Variants in LIN28B observed in about 807,000 individuals in gnomAD.
The protein encoded by LIN28B is protein lin-28 homolog B.
A neutral mutation model predicts 21.9 loss-of-function variants in LIN28B; 5 were observed. The observed-to-expected ratio is 0.23, with a 90% confidence interval of 0.12 to 0.48. LIN28B has a LOEUF of 0.48. Ranked by LOEUF, LIN28B falls within the 20% of genes least tolerant of loss-of-function variation. LIN28B has a pLI of 0.98. For missense variants in LIN28B, 245 were observed against 310.5 expected, an observed-to-expected ratio of 0.79 and a Z score of 1.58; for synonymous variants, 109 against 111.3, an observed-to-expected ratio of 0.98 and a Z score of 0.13.
At chr6:105,020,169 A>C (rs1771108334) in intron 2 of LIN28B, among the ~76,000 whole-genome samples, 1 of 131,298 alleles carries the variant, frequency 7.6e-6, no homozygotes, top group Non-Finnish European at 1.5e-5. Flanking sequence ...GTTGGAGTGC[A>C]GTGGCGTAAT....
intron 2 of LIN28B, among the ~76,000 whole-genome samples, chr6:105,002,991 CTTG>C (rs1051728120): frequency 3.9e-5 from 6 of 152,196 alleles, no homozygotes; most frequent in Non-Finnish European, 7.3e-5. Context: ...TTGGCACTAA[CTTG>C]TTGTAAGACT....
chr6:104,953,205 C>T (rs910037010), upstream of LIN28B, among the ~76,000 whole-genome samples: 3 of 152,080 alleles, frequency 2.0e-5, no homozygotes, highest in Non-Finnish European at 4.4e-5. Flanking sequence ...TTCTCGCCGA[C>T]GTTTTTTCTT....
intron 2 of LIN28B, among the ~76,000 whole-genome samples, chr6:105,025,564 A>G (rs1382164964): frequency 6.6e-6 from 1 of 152,156 alleles, no homozygotes; most frequent in Non-Finnish European, 1.5e-5. Flanking sequence ...ACGGGACTGG[A>G]GAAAACGACT....
chr6:104,967,969 G>A (rs996886650), intron 2 of LIN28B, among the ~76,000 whole-genome samples: 3 of 152,132 alleles, frequency 2.0e-5, no homozygotes, highest in African/African-American at 7.2e-5. Flanking sequence ...TAAGTGCTGG[G>A]ATTACAGATG....
chr6:105,050,812 A>G (rs974362172), intron 3 of LIN28B, among the ~76,000 whole-genome samples: 3 of 151,328 alleles, frequency 2.0e-5, no homozygotes, highest in African/African-American at 7.4e-5. Context: ...TCTTTTAGAC[A>G]GAGATCACCA....
At chr6:105,008,500 TGGGCGTGGTGGC>T (rs1428217714) in intron 2 of LIN28B, among the ~76,000 whole-genome samples, 1 of 151,910 alleles carries the variant, frequency 6.6e-6, no homozygotes, top group Non-Finnish European at 1.5e-5. Flanking sequence ...AAAAATTAGC[TGGGCGTGGTGGC>T]GGGCGCCTGT....
In LIN28B at chr6:104,950,637, G is replaced by T. The variant is rs185535352; in HGVS notation, c.67+128G>T. The T allele has an allele frequency of 8.0e-4, 372 of 464,344 alleles. 2 individuals carry two copies. Among genetic ancestry groups the T allele is most frequent in the Non-Finnish European group, 4.5e-5 (13 of 289,230 alleles). 28.8% of individuals were successfully genotyped at this position (464,344 alleles called of 1,614,324 possible). On this transcript the variant is annotated intron_variant, in intron 3 of 5. Transcript: ENST00000635857. ...CATCCTTTCTACTTTGGCAAGACAG[G>T]TACCAAGTCCTCCTATACTTCGTCC...
At chr6:105,063,844 A>AAT (rs1554191066) in intron 3 of LIN28B, among the ~76,000 whole-genome samples, 66 of 147,602 alleles carry the variant, frequency 4.5e-4, no homozygotes, top group African/African-American at 1.3e-3. Context: ...CAGTCTTAAA[A>AAT]TTTTTTTTTT....
chr6:104,984,376 C>T (rs1420844689), intron 2 of LIN28B, among the ~76,000 whole-genome samples: 3 of 152,042 alleles, frequency 2.0e-5, no homozygotes, highest in Non-Finnish European at 4.4e-5. Flanking sequence ...TCTTGGAATG[C>T]TTTTGTTGGC....
chr6:105,040,127 C>T (rs867770144), intron 3 of LIN28B, among the ~76,000 whole-genome samples: 12 of 152,124 alleles, frequency 7.9e-5, no homozygotes, highest in Middle Eastern at 6.8e-3. Context: ...CAGCATCTCT[C>T]GACATAATTA....
intron 3 of LIN28B, among the ~76,000 whole-genome samples, chr6:105,063,632 T>G (rs1772165455): frequency 1.1e-5 from 1 of 91,690 alleles, no homozygotes. Flanking sequence ...CAAGACTCCA[T>G]CTCGGGGGGG....
At chr6:105,046,284 G>C (rs887286040) in intron 3 of LIN28B, among the ~76,000 whole-genome samples, 8 of 151,968 alleles carry the variant, frequency 5.3e-5, no homozygotes, top group African/African-American at 1.9e-4. Flanking sequence ...TTTTGTCCTT[G>C]CGATAGTTTG....
intron 3 of LIN28B, among the ~76,000 whole-genome samples, chr6:105,077,309 A>C (rs1294631071): frequency 2.0e-5 from 3 of 152,236 alleles, no homozygotes; most frequent in Admixed American, 6.5e-5. Flanking sequence ...AAAATAAAAT[A>C]GAAAGCTCTT....
intron 3 of LIN28B, among the ~76,000 whole-genome samples, chr6:105,046,257 A>G (rs1347763005): frequency 6.6e-6 from 1 of 152,102 alleles, no homozygotes; most frequent in Admixed American, 6.6e-5. Flanking sequence ...ATGAGTGAGA[A>G]CATGCAGTGT....
At chr6:105,005,060 T>C (rs1562089531) in intron 2 of LIN28B, among the ~76,000 whole-genome samples, 1 of 152,220 alleles carries the variant, frequency 6.6e-6, no homozygotes, top group African/African-American at 2.4e-5. Flanking sequence ...GGCAAACTTT[T>C]AAAGACTCCA....
intron 2 of LIN28B, among the ~76,000 whole-genome samples, chr6:104,948,058 A>G (rs1207834128): frequency 6.6e-6 from 1 of 152,176 alleles, no homozygotes; most frequent in Non-Finnish European, 1.5e-5. Context: ...TAAATGATGA[A>G]TGGAGATTAT....
chr6:104,965,874 T>A (rs1318703275), intron 2 of LIN28B, among the ~76,000 whole-genome samples: 4 of 152,256 alleles, frequency 2.6e-5, no homozygotes, highest in Admixed American at 1.3e-4. Flanking sequence ...CCTGTTGTGA[T>A]AATTTAATAC....
intron 2 of LIN28B, among the ~76,000 whole-genome samples, chr6:105,014,405 C>T (rs982270770): frequency 3.3e-5 from 5 of 152,198 alleles, no homozygotes; most frequent in African/African-American, 9.6e-5. Context: ...CTGTAACCTC[C>T]GTTTCCCGGG....
intron 2 of LIN28B, among the ~76,000 whole-genome samples, chr6:104,996,193 T>G (rs982888168): frequency 1.3e-5 from 2 of 152,130 alleles, no homozygotes; most frequent in African/African-American, 4.8e-5. Flanking sequence ...CTGGATGCCA[T>G]CAGAAAGCAG....
Sources: allele counts gnomAD v4.1 joint callset (sites outside exome capture counted in the v4.1 genomes callset), GRCh38; gene constraint gnomAD v4.1.1; transcripts MANE v1.5; gene names NCBI Gene and HGNC (gene_info 2026-07-23, HGNC 2026-07-21).